Variants in TMEM116 observed in about 807,000 individuals in gnomAD.
TMEM116 encodes the protein transmembrane protein 116.
A neutral mutation model predicts 44.3 loss-of-function variants in TMEM116; 38 were observed. That is an observed-to-expected ratio of 0.86 (90% CI 0.66 to 1.12). The LOEUF (loss-of-function observed/expected upper bound fraction) is 1.12. Ranked by LOEUF, TMEM116 falls within the 50% of genes most tolerant of loss-of-function variation. The pLI is 0.00. For missense variants in TMEM116, 354 were observed against 401.7 expected, an observed-to-expected ratio of 0.88 and a Z score of 1.01; for synonymous variants, 132 against 144.8, an observed-to-expected ratio of 0.91 and a Z score of 0.64.
At chr12:112,002,510 A>G (rs2077311855) in intron 3 of TMEM116, among the ~76,000 whole-genome samples, 1 of 151,122 alleles carries the variant, frequency 6.6e-6, no homozygotes, top group Non-Finnish European at 1.5e-5. Context: ...CATTGTAGTG[A>G]GCCAAGATCG....
intron 4 of TMEM116, among the ~76,000 whole-genome samples, chr12:111,956,435 C>A (rs2136343976): frequency 6.6e-6 from 1 of 152,254 alleles, no homozygotes. Flanking sequence ...TAATGCTGAT[C>A]CCTGACATTG....
At chr12:111,996,573 C>T (rs1413885865) in intron 3 of TMEM116, among the ~76,000 whole-genome samples, 1 of 152,124 alleles carries the variant, frequency 6.6e-6, no homozygotes, top group Non-Finnish European at 1.5e-5. Context: ...ACTTTATACA[C>T]TGCTGGCACA....
chr12:111,989,362 G>C (rs1038276469), intron 4 of TMEM116, among the ~76,000 whole-genome samples: 33 of 152,222 alleles, frequency 2.2e-4, no homozygotes, highest in African/African-American at 8.0e-4. Context: ...CTAGAAGAAA[G>C]GCAGCCAGGA....
intron 4 of TMEM116, among the ~76,000 whole-genome samples, chr12:111,974,562 G>T (rs2075555104): frequency 6.6e-6 from 1 of 151,658 alleles, no homozygotes; most frequent in African/African-American, 2.4e-5. Flanking sequence ...GGAGGCTGAG[G>T]TGGGAGAATC....
chr12:111,988,283 TG>T (rs2076338665), intron 4 of TMEM116, among the ~76,000 whole-genome samples: 1 of 152,220 alleles, frequency 6.6e-6, no homozygotes, highest in Admixed American at 6.5e-5. Context: ...TTAATATCAC[TG>T]AAGTGTATAC....
At chr12:112,003,981 G>T in intron 2 of TMEM116, 118 bp from the exon 3 acceptor site, 2 of 1,346,832 alleles carry the variant, frequency 1.5e-6, no homozygotes, top group South Asian at 1.9e-5. Flanking sequence ...AAAATAAACT[G>T]CATTAAAAAA....
chr12:111,939,628 T>C (rs2072501339), intron 5 of TMEM116, among the ~76,000 whole-genome samples: 1 of 148,704 alleles, frequency 6.7e-6, no homozygotes, highest in Non-Finnish European at 1.5e-5. Context: ...TATGACCTCC[T>C]ACTCCGCCCA....
At position 111,968,924 on chromosome 12, in the gene TMEM116, C is replaced by T. The variant is rs530675066; in HGVS notation, c.210+22834G>A. ...AGGAGAATCGCTTCAACTCGGGAGG[C>T]GGAGGTTGCAGTGAGCCCACGTCGT... On this transcript the variant is annotated intron_variant, in intron 4 of 10. Transcript: ENST00000552374. Among the ~76,000 whole-genome samples, 139 of 132,200 alleles carry T rather than the reference C, an allele frequency of 1.1e-3. 3 individuals are homozygous for T. Among genetic ancestry groups the T allele is most frequent in the Middle Eastern group, 8.4e-3 (2 of 238 alleles). 86.7% of individuals were successfully genotyped at this position (132,200 alleles called of 152,430 possible).
intron 4 of TMEM116, among the ~76,000 whole-genome samples, chr12:111,975,979 A>G (rs2075645434): frequency 6.6e-6 from 1 of 152,096 alleles, no homozygotes; most frequent in African/African-American, 2.4e-5. Context: ...ACTCCATTTA[A>G]GAAGTTTTTT....
intron 4 of TMEM116, among the ~76,000 whole-genome samples, chr12:111,949,923 T>G (rs957685658): frequency 2.0e-5 from 3 of 152,142 alleles, no homozygotes; most frequent in African/African-American, 4.8e-5. Flanking sequence ...AAGATCAGCC[T>G]GGTCAACATG....
rs914871810 is a variant in TMEM116, at chr12:111,943,297, G to A, written c.283C>T (p.His95Tyr). ...WYLYTELRMK[H>Y]TQSGQSTSPL... ...GATGTGCTCTGTCCACTCTGGGTGTGTTTCATCCTCAGCTCTGTGTACAAA... is the reference window on the plus strand; with the variant it reads ...GATGTGCTCTGTCCACTCTGGGTGTATTTCATCCTCAGCTCTGTGTACAAA... Residue 95 changes from histidine (H) to tyrosine (Y), a missense_variant, in exon 5 of 11, where the codon CAC becomes TAC. Physicochemically the swap from His to Tyr is moderately conservative, Grantham distance 83. Transcript: ENST00000552374. 2 of 1,613,816 alleles carry A rather than the reference G, an allele frequency of 1.2e-6. No individual in the cohort carries two copies. The highest frequency in any genetic ancestry group is 2.7e-5 in the African/African-American group (2 of 74,874).
At chr12:111,980,890 A>G (rs780634603) in intron 4 of TMEM116, among the ~76,000 whole-genome samples, 4 of 152,084 alleles carry the variant, frequency 2.6e-5, no homozygotes, top group Non-Finnish European at 5.9e-5. Flanking sequence ...CCTGGGCAAC[A>G]TGGTGAAACC....
At chr12:111,968,236 T>A (rs2075095843) in intron 4 of TMEM116, among the ~76,000 whole-genome samples, 1 of 152,002 alleles carries the variant, frequency 6.6e-6, no homozygotes, top group South Asian at 2.1e-4. Flanking sequence ...CCAACAATAG[T>A]GCCTGTTCTC....
chr12:112,006,341 T>C (rs757646114), intron 1 of TMEM116, among the ~76,000 whole-genome samples: 2 of 151,594 alleles, frequency 1.3e-5, no homozygotes, highest in Non-Finnish European at 2.9e-5. Flanking sequence ...AGAGCTGCAA[T>C]AGAGAAATGG....
chr12:111,965,684 G>T, intron 4 of TMEM116: 1 of 386,414 alleles, frequency 2.6e-6, no homozygotes, highest in East Asian at 1.0e-4. Flanking sequence ...CAGCACTTTG[G>T]GAGGCCCAAG....
intron 4 of TMEM116, among the ~76,000 whole-genome samples, chr12:111,991,008 C>A (rs922769244): frequency 1.3e-5 from 2 of 152,036 alleles, no homozygotes; most frequent in Non-Finnish European, 2.9e-5. Context: ...ATCATGAGGT[C>A]AAGAGATCGA....
At chr12:112,005,483 T>C (rs962210712) in intron 1 of TMEM116, 180 bp from the exon 2 acceptor site, 28 of 482,680 alleles carry the variant, frequency 5.8e-5, no homozygotes, top group Non-Finnish European at 8.9e-5. Context: ...AAGGTGCTCC[T>C]TTTTTCCTCT....
intron 4 of TMEM116, among the ~76,000 whole-genome samples, chr12:111,950,696 G>C (rs889836374): frequency 6.6e-6 from 1 of 152,058 alleles, no homozygotes; most frequent in East Asian, 1.9e-4. Flanking sequence ...ATGGATTAAA[G>C]ACTTAAATGT....
chr12:111,945,073 TAAA>T (rs1231486290), intron 4 of TMEM116, among the ~76,000 whole-genome samples: 1 of 56,614 alleles, frequency 1.8e-5, no homozygotes, highest in Non-Finnish European at 3.5e-5. Flanking sequence ...AGACTCCATC[TAAA>T]AAAAAAAAAA....
Sources: allele counts gnomAD v4.1 joint callset (sites outside exome capture counted in the v4.1 genomes callset), GRCh38; gene constraint gnomAD v4.1.1; transcripts MANE v1.5; gene names NCBI Gene and HGNC (gene_info 2026-07-23, HGNC 2026-07-21).